Variants in PTPRN2 observed in about 807,000 individuals in gnomAD.
PTPRN2 encodes the protein receptor-type tyrosine-protein phosphatase N2.
A neutral mutation model predicts 118.8 loss-of-function variants in PTPRN2; 74 were observed. The ratio of observed to expected loss-of-function variants is 0.62; its 90% CI spans 0.52 to 0.76. The LOEUF (loss-of-function observed/expected upper bound fraction) is 0.76. PTPRN2 is among the 30% of genes least tolerant of loss of function. PTPRN2 has a pLI of 0.00. For synonymous variants in PTPRN2, 641 were observed against 608.0 expected, an observed-to-expected ratio of 1.05 and a Z score of -0.80; for missense variants, 1,481 against 1,394.4, an observed-to-expected ratio of 1.06 and a Z score of -0.99.
At chr7:158,365,684 C>A (rs370476319) in intron 2 of PTPRN2, among the ~76,000 whole-genome samples, 5 of 149,544 alleles carry the variant, frequency 3.3e-5, no homozygotes, top group Admixed American at 1.3e-4. Context: ...CTGGGAGAAG[C>A]CGCAGCCCAA....
intron 3 of PTPRN2, among the ~76,000 whole-genome samples, chr7:158,261,745 T>G (rs1231655046): frequency 6.6e-6 from 1 of 152,212 alleles, no homozygotes; most frequent in Admixed American, 6.5e-5. Context: ...GAAGACGCCA[T>G]GCAGAAGCCT....
At chr7:157,898,140 A>G (rs989428339) in intron 12 of PTPRN2, among the ~76,000 whole-genome samples, 2 of 151,834 alleles carry the variant, frequency 1.3e-5, no homozygotes, top group Non-Finnish European at 2.9e-5. Flanking sequence ...TTTCAGCGAT[A>G]TTATGGAAGC....
rs1319485507 is a variant in PTPRN2, at chr7:158,332,758, G to C, written c.164-15826C>G. Among the ~76,000 whole-genome samples the C allele has an allele frequency of 4.0e-5, 6 of 150,838 alleles. No individual in the cohort carries two copies. In the South Asian group the frequency reaches 1.3e-3, roughly 32 times the overall value. ...ACCATAAGAGCTGAGGCCCACAGAG[G>C]ACACTCACACCCATACTCTCACCAT... On this transcript the variant is annotated intron_variant, in intron 2 of 22. Transcript: ENST00000389418.
At chr7:158,133,017 T>C (rs1585555818) in intron 9 of PTPRN2, among the ~76,000 whole-genome samples, 1 of 152,222 alleles carries the variant, frequency 6.6e-6, no homozygotes, top group African/African-American at 2.4e-5. Context: ...CGGGGTGACC[T>C]GAGAACGGGC....
At chr7:157,898,793 G>C in intron 11 of PTPRN2, 56 bp from the exon 12 acceptor site, 1 of 1,433,148 alleles carries the variant, frequency 7.0e-7, no homozygotes, top group Admixed American at 1.7e-5. Context: ...CTCAGTCTCC[G>C]GGCACCTCTG....
intron 3 of PTPRN2, among the ~76,000 whole-genome samples, chr7:158,289,128 G>A (rs1265186933): frequency 6.6e-6 from 1 of 152,026 alleles, no homozygotes; most frequent in African/African-American, 2.4e-5. Context: ...TTGACAGTTT[G>A]ATTATAATAT....
At chr7:157,625,656 A>G (rs991984921) in intron 14 of PTPRN2, among the ~76,000 whole-genome samples, 1 of 152,226 alleles carries the variant, frequency 6.6e-6, no homozygotes, top group African/African-American at 2.4e-5. Context: ...TATGTCACCA[A>G]AATCTCACAA....
At chr7:158,256,613 A>G (rs1016993117) in intron 3 of PTPRN2, among the ~76,000 whole-genome samples, 2 of 152,110 alleles carry the variant, frequency 1.3e-5, no homozygotes, top group Admixed American at 6.6e-5. Flanking sequence ...CCGTGAGGAC[A>G]AGTGATGACG....
chr7:157,599,422 C>A (rs991624925), intron 16 of PTPRN2, among the ~76,000 whole-genome samples: 3 of 152,184 alleles, frequency 2.0e-5, no homozygotes, highest in African/African-American at 7.2e-5. Flanking sequence ...GAGGTGTGTT[C>A]CTCTGTCTCT....
intron 1 of PTPRN2, among the ~76,000 whole-genome samples, chr7:158,496,273 CT>C (rs1341637656): frequency 9.9e-5 from 13 of 130,760 alleles, no homozygotes; most frequent in African/African-American, 2.6e-4. Flanking sequence ...CCTGCACCCC[CT>C]CCCCTTCCCT....
intron 3 of PTPRN2, among the ~76,000 whole-genome samples, chr7:158,241,450 G>A (rs1475597701): frequency 6.6e-6 from 1 of 152,090 alleles, no homozygotes; most frequent in Non-Finnish European, 1.5e-5. Context: ...GGAGGCAAAG[G>A]TTGCAGTGAG....
intron 2 of PTPRN2, among the ~76,000 whole-genome samples, chr7:158,483,836 C>A (rs567149000): frequency 7.6e-4 from 115 of 152,262 alleles, no homozygotes; most frequent in South Asian, 4.4e-3. Flanking sequence ...CATAACTCAG[C>A]CTTTTAAAGT....
intron 12 of PTPRN2, among the ~76,000 whole-genome samples, chr7:157,816,480 A>G (rs1218642795): frequency 1.3e-5 from 2 of 152,212 alleles, no homozygotes; most frequent in Non-Finnish European, 2.9e-5. Flanking sequence ...GCAGAGCCAC[A>G]CTCCACCTCA....
At chr7:158,489,680 ACGG>A in intron 2 of PTPRN2, 52 bp downstream of exon 2, 9 of 1,518,560 alleles carry the variant, frequency 5.9e-6, no homozygotes, top group Non-Finnish European at 8.0e-6. Flanking sequence ...GGCGCTGCGC[ACGG>A]CGGGCAGGAG....
intron 3 of PTPRN2, among the ~76,000 whole-genome samples, chr7:158,315,988 C>T (rs1239936705): frequency 6.6e-6 from 1 of 152,166 alleles, no homozygotes; most frequent in Non-Finnish European, 1.5e-5. Flanking sequence ...GATGCCTGGG[C>T]TCCCACTCAA....
intron 11 of PTPRN2, among the ~76,000 whole-genome samples, chr7:158,043,088 A>C (rs1214751494): frequency 6.6e-6 from 1 of 152,166 alleles, no homozygotes; most frequent in African/African-American, 2.4e-5. Flanking sequence ...GGCCATGCCC[A>C]TAGTTCCAGC....
chr7:158,041,379 C>T (rs1472284711), intron 11 of PTPRN2, among the ~76,000 whole-genome samples: 1 of 152,106 alleles, frequency 6.6e-6, no homozygotes, highest in African/African-American at 2.4e-5. Flanking sequence ...GGCTCATGCC[C>T]ATAATCCCAG....
At chr7:158,109,987 T>C (rs1245939284) in intron 10 of PTPRN2, among the ~76,000 whole-genome samples, 1 of 151,240 alleles carries the variant, frequency 6.6e-6, no homozygotes, top group Non-Finnish European at 1.5e-5. Flanking sequence ...ACTGAGTGAA[T>C]GAAGTCACCC....
At chr7:157,786,531 G>A (rs1213313649) in intron 12 of PTPRN2, among the ~76,000 whole-genome samples, 1 of 152,186 alleles carries the variant, frequency 6.6e-6, no homozygotes, top group Non-Finnish European at 1.5e-5. Flanking sequence ...TGAGTCCCTT[G>A]AGGCTGGAAG....
Sources: gnomAD v4.1 joint callset for allele counts (sites outside exome capture counted in the v4.1 genomes callset) on GRCh38, gnomAD v4.1.1 for gene constraint, MANE v1.5 for transcripts, NCBI Gene and HGNC (gene_info 2026-07-23, HGNC 2026-07-21) for gene names.